The following CACNG2 variants were observed in gnomAD, a reference collection of about 807,000 sequenced individuals.
CACNG2 encodes calcium voltage-gated channel auxiliary subunit gamma 2.
A neutral mutation model predicts 25.9 loss-of-function variants in CACNG2; 3 were observed. The observed-to-expected ratio is 0.12, with a 90% CI of 0.05 to 0.30. CACNG2 has a LOEUF of 0.30. Among genes scored for constraint, CACNG2 ranks in the 10% least tolerant of loss-of-function variants. CACNG2 has a pLI of 1.00. For missense variants in CACNG2, 341 were observed against 432.5 expected (o/e 0.79, Z 1.88); for synonymous variants, 167 against 173.3 (o/e 0.96, Z 0.29).
rs747096034 is a variant in CACNG2, at chr22:36,676,543, C to T, written c.211+25823G>A. ...TCACCAGCTGGCTCCTGTTTTAACT[C>T]GTTCAATTCTCAGAGCTGCCCTGCG... On this transcript the variant is annotated intron_variant, in intron 1 of 3. Coordinates refer to ENST00000300105, the MANE Select transcript of CACNG2 (RefSeq NM_006078.5). Among the ~76,000 whole-genome samples, 8 of 152,172 alleles carry T rather than the reference C, an allele frequency of 5.3e-5. 1 individual carries two copies. The highest frequency in any genetic ancestry group is 8.8e-5 in the Non-Finnish European group (6 of 68,028).
intron 1 of CACNG2, among the ~76,000 whole-genome samples, chr22:36,650,848 A>T (rs1936600936): frequency 6.6e-6 from 1 of 152,230 alleles, no homozygotes; most frequent in South Asian, 2.1e-4. Context: ...CACCACAGGC[A>T]CACTCCTGCC....
chr22:36,668,484 G>A (rs1242318176), intron 1 of CACNG2, among the ~76,000 whole-genome samples: 1 of 141,764 alleles, frequency 7.1e-6, no homozygotes, highest in Non-Finnish European at 1.6e-5. Context: ...TGAGAACGAG[G>A]GGAGTGAATT....
chr22:36,699,399 GT>G lies in CACNG2; in HGVS notation c.211+2966del, dbSNP rs139345105. Among the ~76,000 whole-genome samples the G allele has an allele frequency of 7.9e-3, 1,201 of 152,004 alleles. 7 individuals carry two copies. The highest frequency in any genetic ancestry group is 0.013 in the Non-Finnish European group (889 of 67,978). On this transcript the variant is annotated intron_variant, in intron 1 of 3. Coordinates refer to ENST00000300105, the MANE Select transcript of CACNG2 (RefSeq NM_006078.5). The stretch of plus-strand genomic sequence containing the variant: ...TATCTTCTCATTCTTCAGCAGACTA[GT>G]TAATTTCAAAAGCAGCCTTAGAGGC...
chr22:36,607,048 G>A (rs988676263), intron 1 of CACNG2, among the ~76,000 whole-genome samples: 1 of 151,968 alleles, frequency 6.6e-6, no homozygotes, highest in African/African-American at 2.4e-5. Flanking sequence ...CGAGCAATGG[G>A]GAGCCACTGA....
intron 1 of CACNG2, among the ~76,000 whole-genome samples, chr22:36,630,711 A>G (rs1169343686): frequency 6.6e-6 from 1 of 151,606 alleles, no homozygotes; most frequent in Admixed American, 6.6e-5. Context: ...AGATGTTTGC[A>G]TGGAAGGATG....
chr22:36,687,449 T>C (rs9607371), intron 1 of CACNG2, among the ~76,000 whole-genome samples: 27,739 of 152,228 alleles, frequency 0.18, 3,096 homozygotes, highest in East Asian at 0.31. Context: ...GTTAGTTTTA[T>C]TTTTCTGTGG....
intron 1 of CACNG2, among the ~76,000 whole-genome samples, chr22:36,609,131 T>C (rs973470279): frequency 6.6e-6 from 1 of 151,964 alleles, no homozygotes; most frequent in Non-Finnish European, 1.5e-5. Flanking sequence ...CCCTAGAGTG[T>C]GATCGGGCAG....
At chr22:36,603,068 A>T (rs1303990869) in intron 1 of CACNG2, among the ~76,000 whole-genome samples, 3 of 152,256 alleles carry the variant, frequency 2.0e-5, no homozygotes, top group Non-Finnish European at 1.5e-5. Context: ...TAAGTCAAAC[A>T]GTTAGCCAAG....
At position 36,563,258 on chromosome 22, in the gene CACNG2, C is replaced by G. The variant is rs554089498; in HGVS notation, c.*1093G>C. On this transcript the variant is annotated 3_prime_UTR_variant, in exon 4 of 4. Transcript: ENST00000300105. ...GACCCCCAAAGGGTCAATGAACCCCCTTCCCAGGGGACTGGGGGGCTTATG... is the reference window on the plus strand; with the variant it reads ...GACCCCCAAAGGGTCAATGAACCCCGTTCCCAGGGGACTGGGGGGCTTATG... Among the ~76,000 whole-genome samples the G allele has an allele frequency of 1.6e-4, 25 of 152,230 alleles. No homozygotes were observed. The highest frequency in any genetic ancestry group is 1.4e-3 in the Admixed American group (22 of 15,306).
At chr22:36,626,830 G>A (rs1031370636) in intron 1 of CACNG2, among the ~76,000 whole-genome samples, 1 of 152,240 alleles carries the variant, frequency 6.6e-6, no homozygotes, top group Non-Finnish European at 1.5e-5. Context: ...AAAACTGACA[G>A]CTTTAGAGTA....
intron 1 of CACNG2, among the ~76,000 whole-genome samples, chr22:36,631,476 C>T (rs1936270009): frequency 1.3e-5 from 2 of 152,094 alleles, no homozygotes; most frequent in Non-Finnish European, 2.9e-5. Flanking sequence ...GTCTTCCTGT[C>T]CAGGCAGGTA....
rs1437439617 is a variant in CACNG2, at chr22:36,583,295, T to C, written c.295+4170A>G. On this transcript the variant is annotated intron_variant, in intron 2 of 3. Transcript: ENST00000300105. The stretch of plus-strand genomic sequence containing the variant: ...TAAAAATACAAAAATTAGCCAGATG[T>C]GGTGGCGGGTGCCTGTAATCCCAGC... Among the ~76,000 whole-genome samples the C allele has an allele frequency of 2.0e-5, 3 of 152,012 alleles. No homozygotes were observed. In the East Asian group the frequency reaches 5.8e-4, roughly 29 times the overall value.
At position 36,593,657 on chromosome 22, in the gene CACNG2, GA is replaced by G. The variant is rs1291077603; in HGVS notation, c.212-6110del. 4.3e-4 allele frequency among the ~76,000 whole-genome samples: 66 copies of G among 152,274 alleles called. 1 individual carries two copies. Among genetic ancestry groups the G allele is most frequent in the African/African-American group, 1.5e-3 (61 of 41,542 alleles). On this transcript the variant is annotated intron_variant, in intron 1 of 3. Coordinates refer to ENST00000300105, the MANE Select transcript of CACNG2 (RefSeq NM_006078.5). The stretch of plus-strand genomic sequence containing the variant: ...AGGATTTAGGAGGGCGGGGGAGTTA[GA>G]GATCCAGCCAGATCAGAGGACACAC...
chr22:36,629,920 C>T (rs777834845), intron 1 of CACNG2, among the ~76,000 whole-genome samples: 3 of 152,100 alleles, frequency 2.0e-5, no homozygotes, highest in Non-Finnish European at 2.9e-5. Context: ...TAATGTGATG[C>T]GAGGGCATGG....
intron 1 of CACNG2, among the ~76,000 whole-genome samples, chr22:36,696,486 T>G (rs1457325573): frequency 6.6e-6 from 1 of 152,218 alleles, no homozygotes; most frequent in Non-Finnish European, 1.5e-5. Context: ...GGGACCACCC[T>G]TTCTGAACAC....
At chr22:36,647,055 G>A (rs769166997) in intron 1 of CACNG2, among the ~76,000 whole-genome samples, 2 of 152,164 alleles carry the variant, frequency 1.3e-5, no homozygotes, top group Admixed American at 1.3e-4. Context: ...TGATCAATAA[G>A]GCCAATGATT....
intron 2 of CACNG2, among the ~76,000 whole-genome samples, chr22:36,569,239 C>T (rs1344969324): frequency 1.3e-5 from 2 of 152,094 alleles, no homozygotes; most frequent in African/African-American, 2.4e-5. Flanking sequence ...CATAACAGTC[C>T]GGCAGGGTGT....
At chr22:36,685,985 A>G (rs765804817) in intron 1 of CACNG2, among the ~76,000 whole-genome samples, 68 of 152,234 alleles carry the variant, frequency 4.5e-4, no homozygotes, top group Admixed American at 1.9e-3. Flanking sequence ...CCGGTCACAG[A>G]GGTAAATGTG....
chr22:36,653,960 T>TTGTG (rs140752261), intron 1 of CACNG2, among the ~76,000 whole-genome samples: 2 of 124,220 alleles, frequency 1.6e-5, no homozygotes, highest in Non-Finnish European at 3.4e-5. Context: ...TACAGTGTGT[T>TTGTG]TGTGTGTGTG....
Sources: allele counts gnomAD v4.1 joint callset (sites outside exome capture counted in the v4.1 genomes callset), GRCh38; gene constraint gnomAD v4.1.1; transcripts MANE v1.5; gene names NCBI Gene and HGNC (gene_info 2026-07-23, HGNC 2026-07-21).